The following PTPRD variants were observed in gnomAD, a reference collection of about 807,000 sequenced individuals.
PTPRD encodes the protein protein tyrosine phosphatase receptor type D.
Under a neutral mutation model 214.5 loss-of-function variants are expected in PTPRD, and 34 were observed. The ratio of observed to expected loss-of-function variants is 0.16; its 90% CI spans 0.12 to 0.21. The LOEUF (loss-of-function observed/expected upper bound fraction) is 0.21. PTPRD is among the 10% of genes least tolerant of loss of function. The probability of loss-of-function intolerance (pLI) is 1.00; values close to 1 mark genes in which losing one functional copy is unlikely to be tolerated. For synonymous variants in PTPRD, 1,128 were observed against 845.7 expected, an observed-to-expected ratio of 1.33 and a Z score of -5.79; for missense variants, 2,545 against 2,398.7, an observed-to-expected ratio of 1.06 and a Z score of -1.27.
At chr9:10,117,517 T>A (rs1261568671) in intron 3 of PTPRD, among the ~76,000 whole-genome samples, 1 of 152,076 alleles carries the variant, frequency 6.6e-6, no homozygotes, top group Non-Finnish European at 1.5e-5. Flanking sequence ...AATACGTCCT[T>A]GCTTCCTTCA....
At chr9:8,754,064 G>C (rs1231254134) in intron 11 of PTPRD, among the ~76,000 whole-genome samples, 1 of 152,116 alleles carries the variant, frequency 6.6e-6, no homozygotes, top group Non-Finnish European at 1.5e-5. Context: ...AGAATCACTT[G>C]AAATCGGGAG....
At chr9:9,663,863 T>G (rs1396984532) in intron 7 of PTPRD, among the ~76,000 whole-genome samples, 1 of 151,538 alleles carries the variant, frequency 6.6e-6, no homozygotes. Context: ...CAAAGTTGTA[T>G]GTGAAAAATT....
intron 9 of PTPRD, among the ~76,000 whole-genome samples, chr9:9,390,515 T>C (rs939943268): frequency 6.6e-6 from 1 of 151,948 alleles, no homozygotes; most frequent in Non-Finnish European, 1.5e-5. Flanking sequence ...ATAGAAACAA[T>C]AAAAGATAAG....
At chr9:9,838,455 G>C (rs1787470471) in intron 5 of PTPRD, among the ~76,000 whole-genome samples, 1 of 152,006 alleles carries the variant, frequency 6.6e-6, no homozygotes, top group South Asian at 2.1e-4. Flanking sequence ...TTTAATGATT[G>C]CCATTCTAAC....
At chr9:8,455,246 C>T (rs1281978062) in intron 33 of PTPRD, among the ~76,000 whole-genome samples, 2 of 152,156 alleles carry the variant, frequency 1.3e-5, no homozygotes, top group African/African-American at 4.8e-5. Flanking sequence ...TATAAATCTA[C>T]AGAGCATGGC....
intron 11 of PTPRD, among the ~76,000 whole-genome samples, chr9:8,946,991 G>T (rs1588621200): frequency 2.3e-5 from 3 of 131,654 alleles, no homozygotes; most frequent in Admixed American, 7.4e-5. Context: ...TCTTTCTCAA[G>T]CTTTCTATCT....
At chr9:9,553,188 A>G (rs1336898125) in intron 8 of PTPRD, among the ~76,000 whole-genome samples, 1 of 152,080 alleles carries the variant, frequency 6.6e-6, no homozygotes, top group Non-Finnish European at 1.5e-5. Flanking sequence ...TGTGAAAGCA[A>G]TTGATTGACA....
At chr9:9,667,372 C>T (rs2096743809) in intron 7 of PTPRD, among the ~76,000 whole-genome samples, 1 of 152,098 alleles carries the variant, frequency 6.6e-6, no homozygotes, top group Non-Finnish European at 1.5e-5. Context: ...TCTTATAGTG[C>T]TCAACTACTG....
At position 9,562,148 on chromosome 9, in the gene PTPRD, T is replaced by C. The variant is rs570398078; in HGVS notation, c.-237+12584A>G. On this transcript the variant is annotated intron_variant, in intron 8 of 45. Transcript: ENST00000381196. ...TCACACTCATATTCTTTATTTTTTC[T>C]TATTTTTATTTTTTGGTAAAAGGCA... is the stretch of plus-strand genomic sequence containing the variant. 3.3e-4 allele frequency among the ~76,000 whole-genome samples: 51 copies of C among 152,342 alleles called. 1 individual carries two copies. Among genetic ancestry groups the C allele is most frequent in the Middle Eastern group, 3.4e-3 (1 of 294 alleles).
intron 2 of PTPRD, among the ~76,000 whole-genome samples, chr9:10,352,368 C>T (rs1035824144): frequency 1.3e-5 from 2 of 151,974 alleles, no homozygotes; most frequent in Admixed American, 1.3e-4. Flanking sequence ...TTCTTATACT[C>T]GATTGAATGT....
chr9:8,788,932 C>T (rs1351493762), intron 11 of PTPRD, among the ~76,000 whole-genome samples: 1 of 151,800 alleles, frequency 6.6e-6, no homozygotes, highest in Non-Finnish European at 1.5e-5. Context: ...GTTTACTGGA[C>T]CTTATCAATG....
At chr9:8,630,770 A>G (rs762889279) in intron 14 of PTPRD, among the ~76,000 whole-genome samples, 67 of 151,892 alleles carry the variant, frequency 4.4e-4, no homozygotes, top group Non-Finnish European at 8.0e-4. Context: ...GGAGATGATG[A>G]AACTCCAGCC....
At chr9:8,335,858 T>C (rs562649078) in intron 43 of PTPRD, among the ~76,000 whole-genome samples, 23 of 152,260 alleles carry the variant, frequency 1.5e-4, no homozygotes, top group African/African-American at 2.4e-4. Flanking sequence ...AGCCAAATCA[T>C]GAGTGAACTC....
chr9:9,471,546 G>C (rs2094586640), intron 8 of PTPRD, among the ~76,000 whole-genome samples: 1 of 152,110 alleles, frequency 6.6e-6, no homozygotes, highest in Non-Finnish European at 1.5e-5. Flanking sequence ...ATAGAAGTGA[G>C]TCACTATAAA....
chr9:10,169,255 A>G (rs2099183242), intron 3 of PTPRD, among the ~76,000 whole-genome samples: 1 of 151,808 alleles, frequency 6.6e-6, no homozygotes, highest in African/African-American at 2.4e-5. Flanking sequence ...CAGGCGGATC[A>G]CGAGGTCAGG....
intron 3 of PTPRD, among the ~76,000 whole-genome samples, chr9:10,194,335 TATATATATATAG>T (rs2099387572): frequency 1.5e-5 from 1 of 66,430 alleles, no homozygotes; most frequent in South Asian, 6.2e-4. Flanking sequence ...TATATATATA[TATATATATATAG>T]AGAGAGAGAG....
At chr9:8,497,053 C>T (rs1236723089) in intron 26 of PTPRD, among the ~76,000 whole-genome samples, 189 bp downstream of exon 26, 1 of 152,166 alleles carries the variant, frequency 6.6e-6, no homozygotes, top group Non-Finnish European at 1.5e-5. Flanking sequence ...CAGTCAATAG[C>T]ACCATGCTGA....
At chr9:10,602,124 G>A (rs556703056) in intron 2 of PTPRD, among the ~76,000 whole-genome samples, 1 of 151,678 alleles carries the variant, frequency 6.6e-6, no homozygotes, top group Non-Finnish European at 1.5e-5. Context: ...CTAATGTAGG[G>A]AAACGCAATT....
At chr9:8,528,491 A>T in intron 15 of PTPRD, 100 bp downstream of exon 15, 1 of 1,055,304 alleles carries the variant, frequency 9.5e-7, no homozygotes, top group Non-Finnish European at 1.4e-6. Context: ...AAAAATCAGT[A>T]CCTAGAAATA....
Sources: gnomAD v4.1 joint callset for allele counts (sites outside exome capture counted in the v4.1 genomes callset) on GRCh38, gnomAD v4.1.1 for gene constraint, MANE v1.5 for transcripts, NCBI Gene and HGNC (gene_info 2026-07-23, HGNC 2026-07-21) for gene names.